Variants in TMEM132D observed in about 807,000 individuals in gnomAD.
TMEM132D encodes the protein transmembrane protein 132D, also known as mature OL transmembrane protein.
In TMEM132D, 21 loss-of-function variants were observed where a neutral mutation model predicts 62.3. The ratio of observed to expected loss-of-function variants is 0.34; its 90% CI spans 0.24 to 0.49. The LOEUF (loss-of-function observed/expected upper bound fraction) is 0.49. Ranked by LOEUF, TMEM132D falls within the 20% of genes least tolerant of loss-of-function variation. The pLI, the probability that TMEM132D is intolerant of heterozygous loss-of-function variation, is 0.99. For synonymous variants in TMEM132D, 621 were observed against 575.6 expected (o/e 1.08, Z -1.13); for missense variants, 1,346 against 1,402.8 (o/e 0.96, Z 0.65).
rs113575402 is a variant in TMEM132D, at chr12:129,290,636, C to T, written c.1299+46998G>A. On this transcript the variant is annotated intron_variant, in intron 4 of 8. Coordinates refer to ENST00000422113, the MANE Select transcript of TMEM132D (RefSeq NM_133448.3). ...ATAGAAAAAGGTTTAGAAGAATATACAGTTTGAAACTGTTCATTTCTAATG... is the reference window on the plus strand; with the variant it reads ...ATAGAAAAAGGTTTAGAAGAATATATAGTTTGAAACTGTTCATTTCTAATG... Among the ~76,000 whole-genome samples the T allele has an allele frequency of 3.2e-3, 488 of 152,266 alleles. 4 individuals carry two copies. The highest frequency in any genetic ancestry group is 0.011 in the African/African-American group (466 of 41,542).
intron 1 of TMEM132D, among the ~76,000 whole-genome samples, chr12:129,848,845 C>T (rs1172404201): frequency 2.6e-5 from 4 of 152,156 alleles, no homozygotes; most frequent in Non-Finnish European, 5.9e-5. Flanking sequence ...GGGAGGACAA[C>T]CACGTGAAGA....
At chr12:129,810,293 A>G (rs1872130247) in intron 1 of TMEM132D, among the ~76,000 whole-genome samples, 1 of 152,220 alleles carries the variant, frequency 6.6e-6, no homozygotes, top group African/African-American at 2.4e-5. Context: ...ATGATTGTCC[A>G]TATATTTTTT....
chr12:129,220,910 A>G (rs1879329085), intron 4 of TMEM132D, among the ~76,000 whole-genome samples: 3 of 151,768 alleles, frequency 2.0e-5, no homozygotes, highest in East Asian at 1.9e-4. Flanking sequence ...AAAAAGCCCA[A>G]CAACCACCCC....
chr12:129,341,807 A>T (rs1290228985), intron 3 of TMEM132D, among the ~76,000 whole-genome samples: 1 of 152,214 alleles, frequency 6.6e-6, no homozygotes, highest in Admixed American at 6.5e-5. Context: ...CCAAATCATG[A>T]GTGAACTCCC....
intron 4 of TMEM132D, among the ~76,000 whole-genome samples, chr12:129,248,510 T>C (rs1880182012): frequency 7.5e-6 from 1 of 133,374 alleles, no homozygotes; most frequent in African/African-American, 2.7e-5. Flanking sequence ...ATAACAAACA[T>C]AGAAACAGGG....
chr12:129,105,150 C>A (rs1875451829), intron 5 of TMEM132D, among the ~76,000 whole-genome samples: 1 of 93,374 alleles, frequency 1.1e-5, no homozygotes, highest in Non-Finnish European at 2.1e-5. Context: ...ACCCAAATGT[C>A]CAACAATGAT....
chr12:129,098,296 C>A (rs56971443), intron 5 of TMEM132D, among the ~76,000 whole-genome samples: 4,578 of 152,238 alleles, frequency 0.03, 286 homozygotes, highest in East Asian at 0.16. Flanking sequence ...CTCAATGAAA[C>A]CAAAGTCTTT....
intron 1 of TMEM132D, among the ~76,000 whole-genome samples, chr12:129,739,318 TC>T (rs1026317014): frequency 4.3e-4 from 66 of 152,112 alleles, no homozygotes; most frequent in African/African-American, 1.5e-3. Context: ...TGGGGAAAAT[TC>T]CCACCGCCTG....
intron 3 of TMEM132D, among the ~76,000 whole-genome samples, chr12:129,509,698 C>A (rs1875441869): frequency 6.6e-6 from 1 of 152,040 alleles, no homozygotes; most frequent in Non-Finnish European, 1.5e-5. Flanking sequence ...TTTTCTGATA[C>A]CAAAATAAGA....
chr12:129,427,226 C>T (rs536324231), intron 3 of TMEM132D, among the ~76,000 whole-genome samples: 2 of 152,166 alleles, frequency 1.3e-5, no homozygotes, highest in Middle Eastern at 3.4e-3. Flanking sequence ...AAATAACATA[C>T]GGGGTGAAGC....
rs1389090806 is a variant in TMEM132D at position 129,827,128 on chromosome 12, C to G, written c.79+76133G>C. 6.6e-6 allele frequency among the ~76,000 whole-genome samples: 1 copy of G among 152,182 alleles called. No homozygotes were observed. Among genetic ancestry groups the G allele is most frequent in the Non-Finnish European group, 1.5e-5 (1 of 68,030 alleles). ...AATTTAACATCTCATAACAATCACT[C>G]TTAATAATAGCAATTAATAATTAAG... On this transcript the variant is annotated intron_variant, in intron 1 of 8. Transcript: ENST00000422113. The surrounding 1 kb of genome is among the most constrained non-coding windows in gnomAD (Gnocchi z 9.7).
chr12:129,542,903 A>G (rs1031899492), intron 2 of TMEM132D, among the ~76,000 whole-genome samples: 1 of 152,028 alleles, frequency 6.6e-6, no homozygotes, highest in African/African-American at 2.4e-5. Context: ...TAGTTTTAGA[A>G]CAGGCACATG....
intron 3 of TMEM132D, among the ~76,000 whole-genome samples, chr12:129,440,105 GCCTCCGTGATTCCAGCACACTTCTTA>G (rs1472963508): frequency 3.9e-5 from 6 of 152,180 alleles, no homozygotes; most frequent in Non-Finnish European, 8.8e-5. Flanking sequence ...GTTGTCATGA[GCCTCCGTGATTCCAGCACACTTCTTA>G]CCTAAACTCA....
At chr12:129,813,227 CTTG>C (rs1872241460) in intron 1 of TMEM132D, among the ~76,000 whole-genome samples, 1 of 151,920 alleles carries the variant, frequency 6.6e-6, no homozygotes, top group South Asian at 2.1e-4. Flanking sequence ...CTGTCCTCAT[CTTG>C]TTGGTGGACG....
At chr12:129,572,696 G>A (rs917701944) in intron 2 of TMEM132D, among the ~76,000 whole-genome samples, 12 of 152,088 alleles carry the variant, frequency 7.9e-5, no homozygotes, top group East Asian at 3.9e-4. Context: ...TGATCTGCCC[G>A]CCTCGGCTTC....
At position 129,903,003 on chromosome 12, in the gene TMEM132D, T is replaced by C. The variant is rs1428413379; in HGVS notation, c.79+258A>G. On this transcript the variant is annotated intron_variant, in intron 1 of 8. Coordinates refer to ENST00000422113, the MANE Select transcript of TMEM132D (RefSeq NM_133448.3). This position sits in a 1 kb window ranked among gnomAD's most constrained non-coding sequence, Gnocchi z 6.2. ...CTTTCAGGAAACAGCCTTCCTTTCC[T>C]TTCGGCTCCTTAGTAGTCTCACCTA... Among the ~76,000 whole-genome samples, 8 of 152,176 alleles carry C rather than the reference T, an allele frequency of 5.3e-5. No individual in the cohort carries two copies. The highest frequency in any genetic ancestry group is 4.6e-4 in the Admixed American group (7 of 15,284).
intron 4 of TMEM132D, among the ~76,000 whole-genome samples, chr12:129,241,380 A>C (rs967862402): frequency 6.6e-6 from 1 of 152,090 alleles, no homozygotes; most frequent in Non-Finnish European, 1.5e-5. Flanking sequence ...TGAATGACAC[A>C]TATGTTTCGC....
chr12:129,176,243 T>C (rs544434734), intron 5 of TMEM132D, among the ~76,000 whole-genome samples: 1 of 152,348 alleles, frequency 6.6e-6, no homozygotes, highest in African/African-American at 2.4e-5. Context: ...GTATGAGTGG[T>C]GGCAAAATCT....
At chr12:129,762,811 G>C (rs76384712) in intron 1 of TMEM132D, among the ~76,000 whole-genome samples, 3,789 of 152,236 alleles carry the variant, frequency 0.025, 84 homozygotes, top group Non-Finnish European at 0.034. Context: ...TCTATGCACG[G>C]AGGAGCTGAA....
Sources: gnomAD v4.1 joint callset for allele counts (sites outside exome capture counted in the v4.1 genomes callset) on GRCh38, gnomAD v4.1.1 for gene constraint, Gnocchi (gnomAD v3.1) non-coding constraint, MANE v1.5 for transcripts, NCBI Gene and HGNC (gene_info 2026-07-23, HGNC 2026-07-21) for gene names.